TBC1D24: variants seen among roughly 807,000 people sequenced by gnomAD.
TBC1D24 encodes TBC1 domain family member 24.
A neutral mutation model predicts 50.7 loss-of-function variants in TBC1D24; 47 were observed. The observed-to-expected ratio is 0.93, with a 90% CI of 0.73 to 1.18. TBC1D24 has a LOEUF of 1.18. TBC1D24 is among the 50% of genes most tolerant of loss of function. The probability of loss-of-function intolerance (pLI) is 0.00; values close to 1 mark genes in which losing one functional copy is unlikely to be tolerated. For synonymous variants in TBC1D24, 324 were observed against 335.2 expected (o/e 0.97, Z 0.36); for missense variants, 688 against 766.5 (o/e 0.90, Z 1.21).
intron 1 of TBC1D24, chr16:2,476,818 C>T (rs1334018880): frequency 6.6e-6 from 1 of 152,224 alleles, no homozygotes; most frequent in Non-Finnish European, 1.5e-5. Flanking sequence ...TTCATAACAA[C>T]AATAAATTTG....
chr16:2,488,155 C>T (rs1327499337), intron 1 of TBC1D24, among the ~76,000 whole-genome samples: 4 of 152,242 alleles, frequency 2.6e-5, no homozygotes, highest in Admixed American at 2.6e-4. Flanking sequence ...GGCCGCCTTC[C>T]TCTTCCTGTG....
rs1219431590 is a variant in TBC1D24 at position 2,501,620 on chromosome 16, GGGA to G, written c.*671_*673del. On this transcript the variant is annotated 3_prime_UTR_variant, in exon 8 of 8. Coordinates refer to ENST00000646147, the MANE Select transcript of TBC1D24 (RefSeq NM_001199107.2). ...GGGCTGCGTTTGGGAGCTGCTGGGT[GGGA>G]GGAGGAGGGTGGGATTTGTGCTGGG... is the stretch of plus-strand genomic sequence containing the variant. The G allele has an allele frequency of 1.3e-5, 2 of 153,186 alleles. No homozygotes were observed. The highest frequency in any genetic ancestry group is 1.9e-4 in the East Asian group (1 of 5,172). The allele number at this position is 153,186 out of a possible 1,614,324, so 9.5% of individuals were successfully genotyped here. A position where few individuals can be genotyped will look rare whatever the true frequency, so the allele number is the denominator to read the frequency against.
chr16:2,497,102 G>A lies in TBC1D24; in HGVS notation c.954G>A (p.Val318=). The A allele has an allele frequency of 6.2e-7, 1 of 1,603,668 alleles. No individual in the cohort carries two copies. ...EKALKQKGIT[V]KQKSVSLSKR... ...CCCTGAAGCAGAAGGGCATCACCGTGAAGCAGAAGAGGTAGGTCGCCGGCA... is the reference window on the plus strand; with the variant it reads ...CCCTGAAGCAGAAGGGCATCACCGTAAAGCAGAAGAGGTAGGTCGCCGGCA... Residue 318 remains valine (V), a synonymous_variant, in exon 2 of 8, where the codon GTG becomes GTA. Transcript: ENST00000646147.
chr16:2,499,248 A>C lies in TBC1D24; in HGVS notation c.1143-109A>C. 1 of 974,090 alleles carries C rather than the reference A, an allele frequency of 1.0e-6. No homozygotes were observed. The highest frequency in any genetic ancestry group is 1.6e-6 in the Non-Finnish European group (1 of 621,398). The allele number at this position is 974,090 out of a possible 1,614,324, so 60.3% of individuals were successfully genotyped here. A position where few individuals can be genotyped will look rare whatever the true frequency, so the allele number is the denominator to read the frequency against. ...TGTTGTCGGGACCCAGAGAGAAGGA[A>C]GCACAGTTCCCAGGTCTTCGCCCCA... On this transcript the variant is annotated intron_variant, in intron 4 of 7. Transcript: ENST00000646147. The surrounding 1 kb of genome is among the most constrained non-coding windows in gnomAD (Gnocchi z 4.0).
At chr16:2,491,013 T>C (rs1488496986) in intron 1 of TBC1D24, among the ~76,000 whole-genome samples, 2 of 152,110 alleles carry the variant, frequency 1.3e-5, no homozygotes, top group Admixed American at 1.3e-4. Flanking sequence ...ACCTCCAGAG[T>C]GTGGGCACTC....
In TBC1D24 at chr16:2,500,158, C is replaced by A. The variant is rs2065779203; in HGVS notation, c.1303-110C>A. 2.5e-6 allele frequency: 3 copies of A among 1,208,218 alleles called. No homozygotes were observed. The highest frequency in any genetic ancestry group is 3.6e-6 in the Non-Finnish European group (3 of 838,518). 74.8% of individuals were successfully genotyped at this position (1,208,218 alleles called of 1,614,324 possible). On this transcript the variant is annotated intron_variant, in intron 6 of 7. Transcript: ENST00000646147. This position sits in a 1 kb window ranked among gnomAD's most constrained non-coding sequence, Gnocchi z 8.0. ...TCCCCAGCCCCTGGCTCGGGCTGCA[C>A]CCACCTTGGGCTCTGGGTGCAGATT...
Position 2,497,129 on chromosome 16 carries a change from C to T in TBC1D24, c.965+16C>T, listed in dbSNP as rs2065750449. 1 of 1,599,510 alleles carries T rather than the reference C, an allele frequency of 6.3e-7. No individual in the cohort carries two copies. Among genetic ancestry groups the T allele is most frequent in the Non-Finnish European group, 8.5e-7 (1 of 1,179,924 alleles). On this transcript the variant is annotated intron_variant, in intron 2 of 7. Transcript: ENST00000646147. ...AGCAGAAGAGGTAGGTCGCCGGCAG[C>T]CTGTGAGGGGTACACCCAGGGTCGG...
chr16:2,495,602 ACCC>A (rs2065730189), intron 1 of TBC1D24, among the ~76,000 whole-genome samples: 1 of 152,192 alleles, frequency 6.6e-6, no homozygotes, highest in Non-Finnish European at 1.5e-5. Context: ...ACATGGTGAA[ACCC>A]TGTCTCTAGT....
Position 2,500,465 on chromosome 16 carries a change from G to C in TBC1D24, c.1500G>C (p.Ala500=), listed in dbSNP as rs201059992. The C allele has an allele frequency of 6.3e-6, 10 of 1,580,054 alleles. No homozygotes were observed. The highest frequency in any genetic ancestry group is 4.7e-5 in the East Asian group (2 of 42,884). The part of the protein sequence containing the change: ...LPSKTESMFM[A]GGSDCLIVGG... ...CCAAGACCGAGTCCATGTTCATGGCGGGGGGCAGCGACTGCCTCATCGTCG... is the reference window on the plus strand; with the variant it reads ...CCAAGACCGAGTCCATGTTCATGGCCGGGGGCAGCGACTGCCTCATCGTCG... Residue 500 remains alanine (A), a synonymous_variant, in exon 7 of 8, where the codon GCG becomes GCC. Transcript: ENST00000646147. This position sits in a 1 kb window ranked among gnomAD's most constrained non-coding sequence, Gnocchi z 8.0.
In TBC1D24 at chr16:2,496,513, C is replaced by A; in HGVS notation, c.365C>A (p.Ala122Asp). 1 of 1,609,008 alleles carries A rather than the reference C, an allele frequency of 6.2e-7. No individual in the cohort carries two copies. The highest frequency in any genetic ancestry group is 1.3e-5 in the African/African-American group (1 of 75,066). Reference sequence around the variant, plus strand: ...GTGCGCAAGATCCTCCTGTGCCTGGCCAACCAGTTCCCCGACATCTCCTTC... The same window carrying A: ...GTGCGCAAGATCCTCCTGTGCCTGGACAACCAGTTCCCCGACATCTCCTTC... ...GAVRKILLCL[A>D]NQFPDISFCP... The change falls in exon 2 of 8, where the codon GCC (alanine) becomes GAC (aspartate). Residue 122 changes from alanine (A) to aspartate (D), a missense_variant. Transcript: ENST00000646147.
rs9938971 is a variant in TBC1D24, at chr16:2,499,968, C to A, written c.1302+38C>A. On this transcript the variant is annotated intron_variant, in intron 6 of 7. Coordinates refer to ENST00000646147, the MANE Select transcript of TBC1D24 (RefSeq NM_001199107.2). The surrounding 1 kb of genome is among the most constrained non-coding windows in gnomAD (Gnocchi z 4.0). ...AAGTGTCCCCAAACCCCCACGCAGA[C>A]CCTGTAGCTGCATCCCTCCAGGAGC... 1.3e-6 allele frequency: 2 copies of A among 1,581,904 alleles called. No homozygotes were observed.
chr16:2,479,144 T>C (rs959990225), intron 1 of TBC1D24: 2 of 152,198 alleles, frequency 1.3e-5, no homozygotes, highest in African/African-American at 2.4e-5. Context: ...TCTCCCACTT[T>C]GGCCTCCCAA....
chr16:2,496,898 CT>C lies in TBC1D24; in HGVS notation c.752del (p.Phe251SerfsTer4), dbSNP rs766769998. 23 of 1,613,990 alleles carry C rather than the reference CT, an allele frequency of 1.4e-5. No homozygotes were observed. Among genetic ancestry groups the C allele is most frequent in the Non-Finnish European group, 1.9e-5 (22 of 1,180,052 alleles). On this transcript the variant is annotated frameshift_variant, in exon 2 of 8. Coordinates refer to ENST00000646147, the MANE Select transcript of TBC1D24 (RefSeq NM_001199107.2). LOFTEE classifies it high-confidence loss of function. ...GCGTGGCGCTGGCCATCCTCAAGTT[CT>C]TCCACAAGGTGAGGGCCGGGCAGCC... ...YRVALAILKF[F>X]HKVRAGQPLE...
Position 2,497,072 on chromosome 16 carries a change from G to A in TBC1D24, c.924G>A (p.Glu308=). 6.2e-7 allele frequency: 1 copy of A among 1,610,020 alleles called. No individual in the cohort carries two copies. The highest frequency in any genetic ancestry group is 8.5e-7 in the Non-Finnish European group (1 of 1,180,030). ...TCCAGCTCCTGCAGATGGCCAATGA[G>A]AAAGCCCTGAAGCAGAAGGGCATCA... The part of the protein sequence containing the change: ...KEIQLLQMAN[E]KALKQKGITV... Residue 308 remains glutamate, a synonymous_variant, in exon 2 of 8, where the codon GAG becomes GAA. Transcript: ENST00000646147.
Position 2,487,543 on chromosome 16 carries a change from C to T in TBC1D24, c.-115-8491C>T, listed in dbSNP as rs1294775361. Among the ~76,000 whole-genome samples, 1 of 152,230 alleles carries T rather than the reference C, an allele frequency of 6.6e-6. No homozygotes were observed. The highest frequency in any genetic ancestry group is 1.5e-5 in the Non-Finnish European group (1 of 68,040). ...GGTTGTTTGGGAAAATCACATTCCCCTCTGAAGAAGCGAGACGTGCAGAGG... is the reference window on the plus strand; with the variant it reads ...GGTTGTTTGGGAAAATCACATTCCCTTCTGAAGAAGCGAGACGTGCAGAGG... On this transcript the variant is annotated intron_variant, in intron 1 of 7. Transcript: ENST00000646147. This position sits in a 1 kb window ranked among gnomAD's most constrained non-coding sequence, Gnocchi z 4.1.
At position 2,500,169 on chromosome 16, in the gene TBC1D24, C is replaced by A. The variant is rs1284597216; in HGVS notation, c.1303-99C>A. 1.0e-5 allele frequency: 13 copies of A among 1,275,234 alleles called. No homozygotes were observed. Among genetic ancestry groups the A allele is most frequent in the Non-Finnish European group, 1.3e-5 (12 of 899,138 alleles). The allele number at this position is 1,275,234 out of a possible 1,614,324, so 79.0% of individuals were successfully genotyped here. ...TGGCTCGGGCTGCACCCACCTTGGGCTCTGGGTGCAGATTCACGGGATGAA... is the reference window on the plus strand; with the variant it reads ...TGGCTCGGGCTGCACCCACCTTGGGATCTGGGTGCAGATTCACGGGATGAA... On this transcript the variant is annotated intron_variant, in intron 6 of 7. Coordinates refer to ENST00000646147, the MANE Select transcript of TBC1D24 (RefSeq NM_001199107.2). The surrounding 1 kb of genome is among the most constrained non-coding windows in gnomAD (Gnocchi z 8.0).
chr16:2,503,803 C>T lies in TBC1D24; in HGVS notation c.*2845C>T, dbSNP rs943324245. 4.2e-5 allele frequency: 6 copies of T among 144,202 alleles called. No individual in the cohort carries two copies. Among genetic ancestry groups the T allele is most frequent in the African/African-American group, 1.7e-4 (6 of 34,626 alleles). The allele number at this position is 144,202 out of a possible 1,614,324, so 8.9% of individuals were successfully genotyped here. A position where few individuals can be genotyped will look rare whatever the true frequency, so the allele number is the denominator to read the frequency against. On this transcript the variant is annotated 3_prime_UTR_variant, in exon 8 of 8. Transcript: ENST00000646147. The stretch of plus-strand genomic sequence containing the variant: ...TTGAACTCCTGACCTCGTGATCCAC[C>T]CCCCCCTCAGCCTCCCAAAGTGCTG...
intron 1 of TBC1D24, 37 bp from the exon 2 acceptor site, chr16:2,495,997 A>C: frequency 1.0e-6 from 1 of 974,870 alleles, no homozygotes; most frequent in East Asian, 2.4e-5. Context: ...GTGAACCTTG[A>C]AACACAGATG....
rs1567414171 is a variant in TBC1D24 at position 2,500,149 on chromosome 16, C to T, written c.1303-119C>T. 15 of 1,111,348 alleles carry T rather than the reference C, an allele frequency of 1.3e-5. No individual in the cohort carries two copies. Among genetic ancestry groups the T allele is most frequent in the South Asian group, 4.0e-5 (3 of 74,842 alleles). 68.8% of individuals were successfully genotyped at this position (1,111,348 alleles called of 1,614,324 possible). A position where few individuals can be genotyped will look rare whatever the true frequency, so the allele number is the denominator to read the frequency against. Reference sequence around the variant, plus strand: ...GCCACCAGCTCCCCAGCCCCTGGCTCGGGCTGCACCCACCTTGGGCTCTGG... The same window carrying T: ...GCCACCAGCTCCCCAGCCCCTGGCTTGGGCTGCACCCACCTTGGGCTCTGG... On this transcript the variant is annotated intron_variant, in intron 6 of 7. Coordinates refer to ENST00000646147, the MANE Select transcript of TBC1D24 (RefSeq NM_001199107.2). The surrounding 1 kb of genome is among the most constrained non-coding windows in gnomAD (Gnocchi z 8.0).
Sources: gnomAD v4.1 joint callset for allele counts (sites outside exome capture counted in the v4.1 genomes callset) on GRCh38, gnomAD v4.1.1 for gene constraint, Gnocchi (gnomAD v3.1) non-coding constraint, MANE v1.5 for transcripts, NCBI Gene and HGNC (gene_info 2026-07-23, HGNC 2026-07-21) for gene names.